Variants in ARHGAP26 observed in about 807,000 individuals in gnomAD.
The protein encoded by ARHGAP26 is Rho GTPase activating protein 26, also known as rho GTPase-activating protein 26.
A neutral mutation model predicts 104.8 loss-of-function variants in ARHGAP26; 38 were observed. That is an observed-to-expected ratio of 0.36 (90% CI 0.28 to 0.48). ARHGAP26 has a LOEUF of 0.48. Ranked by LOEUF, ARHGAP26 falls within the 20% of genes least tolerant of loss-of-function variation. The pLI is 0.99. For missense variants in ARHGAP26, 704 were observed against 947.9 expected (o/e 0.74, Z 3.38); for synonymous variants, 341 against 340.0 (o/e 1.00, Z -0.03).
chr5:142,884,509 A>G (rs370258709), intron 4 of ARHGAP26, among the ~76,000 whole-genome samples: 3 of 152,350 alleles, frequency 2.0e-5, no homozygotes, highest in African/African-American at 4.8e-5. Context: ...TTTGCCTATA[A>G]GTAAATTCCC....
At chr5:142,819,288 T>C (rs966925271) in intron 1 of ARHGAP26, among the ~76,000 whole-genome samples, 6 of 151,756 alleles carry the variant, frequency 4.0e-5, no homozygotes. Context: ...CCCCAGTAGG[T>C]CAGAGGTCAA....
At chr5:143,151,361 G>A (rs1276657452) in intron 20 of ARHGAP26, among the ~76,000 whole-genome samples, 1 of 152,172 alleles carries the variant, frequency 6.6e-6, no homozygotes, top group Non-Finnish European at 1.5e-5. Flanking sequence ...AAGACAGTTT[G>A]GTGGTTTTTC....
intron 17 of ARHGAP26, among the ~76,000 whole-genome samples, chr5:143,104,015 G>A (rs1484157064): frequency 3.3e-5 from 5 of 149,428 alleles, no homozygotes; most frequent in Non-Finnish European, 4.4e-5. Context: ...TTACAACATG[G>A]ATAGACCTAG....
chr5:143,145,356 C>G (rs1346174232), intron 19 of ARHGAP26, among the ~76,000 whole-genome samples: 1 of 152,202 alleles, frequency 6.6e-6, no homozygotes, highest in East Asian at 1.9e-4. Context: ...TGTTTTTCTT[C>G]CTGTCCTGTG....
chr5:143,026,276 C>G (rs896981163), intron 12 of ARHGAP26, among the ~76,000 whole-genome samples: 1 of 152,164 alleles, frequency 6.6e-6, no homozygotes, highest in Non-Finnish European at 1.5e-5. Context: ...CAGATTGTCT[C>G]TGCTCTCATG....
At chr5:142,911,472 C>CTGA (rs1761828226) in intron 9 of ARHGAP26, among the ~76,000 whole-genome samples, 1 of 152,208 alleles carries the variant, frequency 6.6e-6, no homozygotes, top group Non-Finnish European at 1.5e-5. Flanking sequence ...CCTAACCTTC[C>CTGA]TGACCAGGTC....
chr5:142,798,788 T>C (rs1761495070), intron 1 of ARHGAP26, among the ~76,000 whole-genome samples: 1 of 152,162 alleles, frequency 6.6e-6, no homozygotes, highest in Non-Finnish European at 1.5e-5. Context: ...TTTCTACTGG[T>C]CTTGTCATTT....
Position 143,154,852 on chromosome 5 carries a change from AT to A in ARHGAP26, c.1988+7482del, listed in dbSNP as rs201538985. On this transcript the variant is annotated intron_variant, in intron 20 of 22. Transcript: ENST00000645722. ...CATTAGACAAGTGATAATTCATAGC[AT>A]TTTTTTTTTTAAAAAGCAATTTTAC... Among the ~76,000 whole-genome samples, 697 of 150,704 alleles carry A rather than the reference AT, an allele frequency of 4.6e-3. 10 individuals are homozygous for A. In the East Asian group the frequency reaches 0.05, roughly 11 times the overall value.
At chr5:143,032,853 G>A (rs575208908) in intron 12 of ARHGAP26, among the ~76,000 whole-genome samples, 4 of 152,344 alleles carry the variant, frequency 2.6e-5, no homozygotes, top group East Asian at 3.9e-4. Flanking sequence ...ACATGTGTGT[G>A]TGTGAAAAAG....
At chr5:142,956,792 G>A (rs1769319892) in intron 11 of ARHGAP26, among the ~76,000 whole-genome samples, 1 of 152,142 alleles carries the variant, frequency 6.6e-6, no homozygotes, top group Admixed American at 6.5e-5. Context: ...TCACAATTAT[G>A]GCGGAGGGTG....
At chr5:142,883,607 C>A (rs1298632577) in intron 4 of ARHGAP26, among the ~76,000 whole-genome samples, 1 of 152,230 alleles carries the variant, frequency 6.6e-6, no homozygotes, top group Non-Finnish European at 1.5e-5. Flanking sequence ...TGTTAGGGCT[C>A]CGGGTGATGG....
At chr5:143,041,724 A>AG in intron 13 of ARHGAP26, 92 bp from the exon 14 acceptor site, 2 of 190,072 alleles carry the variant, frequency 1.1e-5, no homozygotes, top group Non-Finnish European at 1.6e-5. Flanking sequence ...GAGAAAATGA[A>AG]AAAAAAAAAA....
chr5:142,953,468 A>G (rs1051074233), intron 11 of ARHGAP26, among the ~76,000 whole-genome samples: 1 of 152,172 alleles, frequency 6.6e-6, no homozygotes, highest in Non-Finnish European at 1.5e-5. Flanking sequence ...CACTAGATAT[A>G]TACAGATGTG....
At chr5:142,994,751 A>G (rs550209607) in intron 11 of ARHGAP26, among the ~76,000 whole-genome samples, 1 of 152,330 alleles carries the variant, frequency 6.6e-6, no homozygotes, top group South Asian at 2.1e-4. Flanking sequence ...GCTGCTGTTT[A>G]CTGAGCATTT....
intron 14 of ARHGAP26, among the ~76,000 whole-genome samples, chr5:143,051,314 G>A (rs1363190711): frequency 6.6e-6 from 1 of 152,184 alleles, no homozygotes; most frequent in Non-Finnish European, 1.5e-5. Flanking sequence ...TCCAGTCTGT[G>A]TCTTCTGATT....
chr5:142,773,488 A>G (rs569190621), intron 1 of ARHGAP26, among the ~76,000 whole-genome samples: 58 of 152,272 alleles, frequency 3.8e-4, no homozygotes, highest in Non-Finnish European at 6.0e-4. Flanking sequence ...TATTACTTCC[A>G]CTTTATGAAT....
chr5:143,113,261 C>T (rs1794984374), intron 17 of ARHGAP26, among the ~76,000 whole-genome samples: 1 of 152,100 alleles, frequency 6.6e-6, no homozygotes. Context: ...TTTTCAGTAC[C>T]AAGTGGGCCT....
At chr5:143,016,783 C>T (rs11948197) in intron 12 of ARHGAP26, among the ~76,000 whole-genome samples, 2 of 150,128 alleles carry the variant, frequency 1.3e-5, no homozygotes. Context: ...TGATTGATTT[C>T]TAAGCTGGCA....
At chr5:142,968,228 T>G (rs1033567639) in intron 11 of ARHGAP26, among the ~76,000 whole-genome samples, 47 of 152,140 alleles carry the variant, frequency 3.1e-4, no homozygotes, top group African/African-American at 1.1e-3. Context: ...ATTAAGTATT[T>G]TACCTAAATT....
Sources: gnomAD v4.1 joint callset for allele counts (sites outside exome capture counted in the v4.1 genomes callset) on GRCh38, gnomAD v4.1.1 for gene constraint, MANE v1.5 for transcripts, NCBI Gene and HGNC (gene_info 2026-07-23, HGNC 2026-07-21) for gene names.